Variants in CRTC1 observed in about 807,000 individuals in gnomAD.
The protein encoded by CRTC1 is CREB-regulated transcription coactivator 1.
Under a neutral mutation model 66.1 loss-of-function variants are expected in CRTC1, and 18 were observed. The observed-to-expected ratio is 0.27, with a 90% CI of 0.19 to 0.40. The LOEUF (loss-of-function observed/expected upper bound fraction) is 0.40. Ranked by LOEUF, CRTC1 falls within the 10% of genes least tolerant of loss-of-function variation. The probability of loss-of-function intolerance (pLI) is 1.00; values close to 1 mark genes in which losing one functional copy is unlikely to be tolerated. For missense variants in CRTC1, 669 were observed against 887.9 expected, an observed-to-expected ratio of 0.75 and a Z score of 3.13; for synonymous variants, 416 against 398.8, an observed-to-expected ratio of 1.04 and a Z score of -0.51.
intron 11 of CRTC1, among the ~76,000 whole-genome samples, chr19:18,774,112 G>C (rs1320778534): frequency 6.6e-6 from 1 of 152,130 alleles, no homozygotes; most frequent in African/African-American, 2.4e-5. Context: ...CAGGCCTCCA[G>C]CAGCCACAAG....
intron 11 of CRTC1, among the ~76,000 whole-genome samples, chr19:18,772,837 G>A (rs900798842): frequency 2.6e-5 from 4 of 152,196 alleles, no homozygotes; most frequent in African/African-American, 9.7e-5. Context: ...CTGGCAGCGT[G>A]TCTGGTCTCG....
At chr19:18,744,271 C>T in intron 2 of CRTC1, 1 of 964,908 alleles carries the variant, frequency 1.0e-6, no homozygotes, top group East Asian at 2.6e-5. Flanking sequence ...CCTGCGGCTC[C>T]CAGGGAGGTG....
At chr19:18,721,023 A>G (rs2053615476) in intron 1 of CRTC1, among the ~76,000 whole-genome samples, 1 of 152,144 alleles carries the variant, frequency 6.6e-6, no homozygotes, top group Non-Finnish European at 1.5e-5. Context: ...AGGAGGCTCT[A>G]GGGGAGGATC....
At position 18,777,182 on chromosome 19, in the gene CRTC1, T is replaced by A; in HGVS notation, c.1705T>A (p.Ser569Thr). 9.2e-7 allele frequency: 1 copy of A among 1,088,766 alleles called. No homozygotes were observed. The highest frequency in any genetic ancestry group is 4.7e-5 in the East Asian group (1 of 21,216). 67.4% of individuals were successfully genotyped at this position (1,088,766 alleles called of 1,614,324 possible). A position where few individuals can be genotyped will look rare whatever the true frequency, so the allele number is the denominator to read the frequency against. Residue 569 changes from serine to threonine, a missense_variant, in exon 14 of 14, where the codon TCC becomes ACC. Ser to Thr is a moderately conservative substitution (Grantham distance 58). Around this residue, in one of 8 missense-constraint regions of CRTC1, gnomAD observed 91 missense variants for 99.1 expected, o/e 0.92. Transcript: ENST00000321949. This position sits in a 1 kb window ranked among gnomAD's most constrained non-coding sequence, Gnocchi z 5.5. The stretch of plus-strand genomic sequence containing the variant: ...ACCCCATCCCCCAGTGACAGGAGAG[T>A]CCCCCCCCAGCCTCTCTAAAGAACT... ...PNIILTVTGE[S>T]PPSLSKELTS...
chr19:18,712,525 G>T (rs2053415408), intron 1 of CRTC1, among the ~76,000 whole-genome samples: 1 of 152,056 alleles, frequency 6.6e-6, no homozygotes, highest in Admixed American at 6.6e-5. Context: ...CTCCCAAAGT[G>T]CTGGGATTAT....
intron 1 of CRTC1, among the ~76,000 whole-genome samples, chr19:18,702,595 A>G (rs13345612): frequency 0.27 from 38,887 of 145,378 alleles, 5,787 homozygotes; most frequent in African/African-American, 0.42. Context: ...GTGCAATGGC[A>G]CAATCTTGCC....
Position 18,760,213 on chromosome 19 carries a change from G to A in CRTC1, c.871G>A (p.Gly291Ser), listed in dbSNP as rs752659232. ...LAANLTHLGI[G>S]GAGQGMSTPG... is the part of the protein sequence containing the mutation. ...GGCCAACCTGACGCACCTGGGCATC[G>A]GTGGCGCCGGCCAGGGTAAGGCAGG... The change falls in exon 8 of 14, where the codon GGT becomes AGT. Residue 291 changes from glycine to serine, a missense_variant. By Grantham distance (56) the Gly-to-Ser change is moderately conservative. This residue lies in a region of CRTC1 where 241 missense variants were observed against 242.2 expected (regional missense o/e 0.99). Transcript: ENST00000321949. This position sits in a 1 kb window ranked among gnomAD's most constrained non-coding sequence, Gnocchi z 6.2. 8 of 1,605,070 alleles carry A rather than the reference G, an allele frequency of 5.0e-6. No individual in the cohort carries two copies. The highest frequency in any genetic ancestry group is 2.2e-5 in the South Asian group (2 of 90,512).
chr19:18,716,804 G>A (rs2053518126), intron 1 of CRTC1, among the ~76,000 whole-genome samples: 1 of 152,214 alleles, frequency 6.6e-6, no homozygotes, highest in South Asian at 2.1e-4. Flanking sequence ...CCAGGCAAGA[G>A]AAGATGTGGC....
chr19:18,715,721 T>C (rs914527140), intron 1 of CRTC1, among the ~76,000 whole-genome samples: 3 of 152,252 alleles, frequency 2.0e-5, no homozygotes, highest in Non-Finnish European at 4.4e-5. Context: ...ATTTGTGTGA[T>C]TGCATCTTGG....
chr19:18,689,005 G>GCA (rs1309130085), intron 1 of CRTC1, among the ~76,000 whole-genome samples: 1 of 152,018 alleles, frequency 6.6e-6, no homozygotes, highest in African/African-American at 2.4e-5. Context: ...GAGTGCAGTG[G>GCA]CACAATCTCA....
intron 1 of CRTC1, among the ~76,000 whole-genome samples, chr19:18,689,107 G>A (rs896734566): frequency 1.5e-4 from 22 of 150,718 alleles, no homozygotes; most frequent in African/African-American, 4.6e-4. Flanking sequence ...CACCACACCC[G>A]GCTAATTTTT....
rs944962519 is a variant in CRTC1, at chr19:18,765,277, A to T, written c.887-127A>T. On this transcript the variant is annotated intron_variant, in intron 8 of 13. Coordinates refer to ENST00000321949, the MANE Select transcript of CRTC1 (RefSeq NM_015321.3). ...GGGGTGCCCAGGTTTGGCAGTTGGG[A>T]CATGTCCATGGGCTTCTGTCTGAGC... The T allele has an allele frequency of 5.7e-5, 78 of 1,375,116 alleles. No homozygotes were observed. The African/African-American group carries it at 9.0e-4, about 16-fold the overall frequency. The allele number at this position is 1,375,116 out of a possible 1,614,324, so 85.2% of individuals were successfully genotyped here. A position where few individuals can be genotyped will look rare whatever the true frequency, so the allele number is the denominator to read the frequency against.
chr19:18,734,188 G>A (rs1600878032), intron 1 of CRTC1, among the ~76,000 whole-genome samples: 1 of 152,084 alleles, frequency 6.6e-6, no homozygotes, highest in African/African-American at 2.4e-5. Flanking sequence ...GGAATGGGGA[G>A]TGACTGCTGA....
chr19:18,739,127 G>C (rs1021772820), intron 1 of CRTC1, among the ~76,000 whole-genome samples: 2 of 152,358 alleles, frequency 1.3e-5, no homozygotes, highest in African/African-American at 4.8e-5. Flanking sequence ...CGCCCTGGGA[G>C]CTGCAGTTTT....
At chr19:18,684,954 T>A (rs2052653502) in intron 1 of CRTC1, among the ~76,000 whole-genome samples, 3 of 152,108 alleles carry the variant, frequency 2.0e-5, no homozygotes, top group African/African-American at 7.2e-5. Flanking sequence ...AAGGTGATGC[T>A]GAATCTCCAC....
rs35465891 is a variant in CRTC1, at chr19:18,728,815, C to CTTTTTTTTTTT, written c.127-14090_127-14080dup. Among the ~76,000 whole-genome samples the CTTTTTTTTTTT allele has an allele frequency of 1.9e-4, 15 of 79,368 alleles. 2 individuals carry two copies. Among genetic ancestry groups the CTTTTTTTTTTT allele is most frequent in the South Asian group, 9.2e-4 (2 of 2,176 alleles). The allele number at this position is 79,368 out of a possible 152,430, so 52.1% of individuals were successfully genotyped here. On this transcript the variant is annotated intron_variant, in intron 1 of 13. Coordinates refer to ENST00000321949, the MANE Select transcript of CRTC1 (RefSeq NM_015321.3). ...ACAGGTGTGAGCCACCTCACCTGGC[C>CTTTTTTTTTTT]TTTTTTTTTTTTTTTGAGACAGAGT...
intron 2 of CRTC1, among the ~76,000 whole-genome samples, chr19:18,743,622 G>T (rs956913175): frequency 2.1e-5 from 3 of 139,690 alleles, no homozygotes; most frequent in Admixed American, 1.4e-4. Context: ...GCATGGACAG[G>T]TCCCCCTGGG....
chr19:18,773,127 C>T (rs113134620), intron 11 of CRTC1, among the ~76,000 whole-genome samples: 250 of 152,250 alleles, frequency 1.6e-3, no homozygotes, highest in Non-Finnish European at 2.9e-3. Flanking sequence ...TGGTGTCCGT[C>T]GTGCGCTGAT....
At position 18,777,503 on chromosome 19, in the gene CRTC1, A is replaced by G. The variant is rs1568546842; in HGVS notation, c.*121A>G. 3.1e-6 allele frequency: 3 copies of G among 965,214 alleles called. No individual in the cohort carries two copies. The highest frequency in any genetic ancestry group is 4.8e-6 in the Non-Finnish European group (3 of 623,034). The allele number at this position is 965,214 out of a possible 1,614,324, so 59.8% of individuals were successfully genotyped here. A position where few individuals can be genotyped will look rare whatever the true frequency, so the allele number is the denominator to read the frequency against. ...TGATTCTGAGCTTGCAATGCCGCCA[A>G]GCGCCCCCCGCCAGCCCGCCCCCGG... On this transcript the variant is annotated 3_prime_UTR_variant, in exon 14 of 14. Transcript: ENST00000321949. This position sits in a 1 kb window ranked among gnomAD's most constrained non-coding sequence, Gnocchi z 5.5.
Sources: gnomAD v4.1 joint callset for allele counts (sites outside exome capture counted in the v4.1 genomes callset) on GRCh38, gnomAD v4.1.1 for gene constraint, gnomAD v4.1.1 regional missense constraint, Gnocchi (gnomAD v3.1) non-coding constraint, MANE v1.5 for transcripts, NCBI Gene and HGNC (gene_info 2026-07-23, HGNC 2026-07-21) for gene names.